The following IL1R1 variants were observed in gnomAD, a reference collection of about 807,000 sequenced individuals.
IL1R1 encodes the protein interleukin-1 receptor type 1.
Under a neutral mutation model 50.2 loss-of-function variants are expected in IL1R1, and 22 were observed. The ratio of observed to expected loss-of-function variants is 0.44; its 90% confidence interval spans 0.31 to 0.63. The LOEUF is 0.63. IL1R1 is among the 20% of genes least tolerant of loss of function. IL1R1 has a pLI of 0.07. For missense variants in IL1R1, 509 were observed against 676.2 expected (o/e 0.75, Z 2.74); for synonymous variants, 251 against 236.7 (o/e 1.06, Z -0.55).
intron 7 of IL1R1, among the ~76,000 whole-genome samples, chr2:102,171,052 A>G (rs1685628194): frequency 1.3e-5 from 2 of 152,218 alleles, no homozygotes; most frequent in Admixed American, 6.5e-5. Flanking sequence ...ACAGAGCGAG[A>G]CTGTGTCTCA....
chr2:102,103,158 A>T (rs1169390733), upstream of IL1R1, among the ~76,000 whole-genome samples: 4 of 147,372 alleles, frequency 2.7e-5, no homozygotes, highest in African/African-American at 7.3e-5. Context: ...AAAATTAAAA[A>T]TAAATAAGTA....
At chr2:102,127,685 G>GTGTGAC (rs1553628426) in intron 1 of IL1R1, among the ~76,000 whole-genome samples, 28 of 151,362 alleles carry the variant, frequency 1.8e-4, no homozygotes, top group African/African-American at 6.1e-4. Context: ...GTGTGTGTGT[G>GTGTGAC]TGTGTGTGTG....
intron 1 of IL1R1, among the ~76,000 whole-genome samples, chr2:102,108,983 A>C (rs1333699071): frequency 7.0e-6 from 1 of 143,674 alleles, no homozygotes; most frequent in Non-Finnish European, 1.5e-5. Flanking sequence ...AATAATAATA[A>C]TAATAAAAGC....
intron 1 of IL1R1, among the ~76,000 whole-genome samples, chr2:102,110,837 C>T (rs911337888): frequency 7.9e-5 from 12 of 151,960 alleles, no homozygotes; most frequent in Admixed American, 5.9e-4. Context: ...TAGGCAGCCG[C>T]GGGAGTTGGC....
chr2:102,118,490 C>T (rs565956613), intron 1 of IL1R1, among the ~76,000 whole-genome samples: 1 of 152,270 alleles, frequency 6.6e-6, no homozygotes, highest in South Asian at 2.1e-4. Flanking sequence ...CCCTGGTTTA[C>T]AGCTGGTCAG....
intron 1 of IL1R1, among the ~76,000 whole-genome samples, chr2:102,151,357 T>C (rs1294091946): frequency 6.6e-6 from 1 of 152,200 alleles, no homozygotes; most frequent in Non-Finnish European, 1.5e-5. Flanking sequence ...ATTCCATCCT[T>C]TCTCTTCTTT....
chr2:102,110,602 C>T (rs972751860), intron 1 of IL1R1, among the ~76,000 whole-genome samples: 3 of 151,134 alleles, frequency 2.0e-5, no homozygotes, highest in Non-Finnish European at 2.9e-5. Context: ...TTTCCTATCT[C>T]GTATCATGAC....
intron 3 of IL1R1, among the ~76,000 whole-genome samples, chr2:102,163,316 T>C (rs1385764377): frequency 6.6e-6 from 1 of 152,226 alleles, no homozygotes; most frequent in Non-Finnish European, 1.5e-5. Flanking sequence ...AAATATGTTT[T>C]CTGTTTTCCA....
In IL1R1 at chr2:102,111,354, C is replaced by G. The variant is rs142455490; in HGVS notation, c.-84+6482C>G. 6.0e-4 allele frequency among the ~76,000 whole-genome samples: 92 copies of G among 152,240 alleles called. 1 individual carries two copies. The highest frequency in any genetic ancestry group is 2.1e-3 in the African/African-American group (87 of 41,542). ...GGGCCGCTGCTGCACATAGGGCTGG[C>G]GACCAGAACACTGTATCTCTTGGCC... On this transcript the variant is annotated intron_variant, in intron 1 of 10. Transcript: ENST00000409329.
chr2:102,168,804 T>G, intron 7 of IL1R1, 141 bp downstream of exon 7: 1 of 606,270 alleles, frequency 1.6e-6, no homozygotes, highest in East Asian at 3.0e-5. Context: ...TGAGACAAAT[T>G]ATATCTTAAT....
intron 1 of IL1R1, among the ~76,000 whole-genome samples, chr2:102,144,454 T>C (rs559641255): frequency 6.6e-6 from 1 of 152,264 alleles, no homozygotes; most frequent in East Asian, 1.9e-4. Flanking sequence ...TGTCATAATG[T>C]GACATCAAGT....
intron 3 of IL1R1, among the ~76,000 whole-genome samples, chr2:102,162,483 C>CT (rs981349625): frequency 2.6e-5 from 4 of 151,356 alleles, no homozygotes; most frequent in Non-Finnish European, 5.9e-5. Flanking sequence ...ATTTTTTTCT[C>CT]TTTTTTTGCT....
chr2:102,091,307 A>G (rs1679657099), intron 1 of IL1R1, among the ~76,000 whole-genome samples: 1 of 152,162 alleles, frequency 6.6e-6, no homozygotes. Context: ...CTATGAGTGT[A>G]TGTACTTGAC....
At chr2:102,162,359 G>T (rs3917267) in intron 3 of IL1R1, among the ~76,000 whole-genome samples, 1 of 151,852 alleles carries the variant, frequency 6.6e-6, no homozygotes, top group Non-Finnish European at 1.5e-5. Flanking sequence ...GATCATTTCC[G>T]CCTTTCAATG....
chr2:102,160,286 G>A lies in IL1R1; in HGVS notation c.61+2501G>A, dbSNP rs534088643. ...TCTCTTTTTTTTCCTGATTAGTCTG[G>A]CTAAAGATTTATCAATTTTATTGAT... On this transcript the variant is annotated intron_variant, in intron 3 of 11. Coordinates refer to ENST00000410023, the MANE Select transcript of IL1R1 (RefSeq NM_000877.4). Among the ~76,000 whole-genome samples the A allele has an allele frequency of 2.6e-5, 4 of 151,820 alleles. No homozygotes were observed. In the South Asian group the frequency reaches 8.3e-4, roughly 32 times the overall value.
In IL1R1 at chr2:102,171,796, T is replaced by G. The variant is rs1247390260; in HGVS notation, c.722-5T>G. 6.5e-7 allele frequency: 1 copy of G among 1,528,408 alleles called. No individual in the cohort carries two copies. 94.7% of individuals were successfully genotyped at this position (1,528,408 alleles called of 1,614,324 possible). On this transcript the variant is annotated splice_region_variant and splice_polypyrimidine_tract_variant and intron_variant, in intron 7 of 11. Coordinates refer to ENST00000410023, the MANE Select transcript of IL1R1 (RefSeq NM_000877.4). ...ATGTTAAGATTAAAAATACATTCTT[T>G]GCAGGATCCCAGATACAATTGATCT...
intron 1 of IL1R1, among the ~76,000 whole-genome samples, chr2:102,095,727 G>A (rs1023609085): frequency 2.3e-4 from 35 of 152,164 alleles, no homozygotes; most frequent in African/African-American, 6.0e-4. Flanking sequence ...TTTTTAGGCC[G>A]GGCACGGTGG....
At chr2:102,153,068 A>G (rs1009579404) in intron 1 of IL1R1, among the ~76,000 whole-genome samples, 4 of 152,220 alleles carry the variant, frequency 2.6e-5, no homozygotes, top group African/African-American at 9.6e-5. Flanking sequence ...TGTAGGACAT[A>G]GCAGTAAGGC....
At chr2:102,098,698 A>C (rs1180941882) in intron 1 of IL1R1, among the ~76,000 whole-genome samples, 3 of 152,218 alleles carry the variant, frequency 2.0e-5, no homozygotes, top group Non-Finnish European at 4.4e-5. Flanking sequence ...CATAGGAAAA[A>C]AAAGAGTAGG....
Sources: gnomAD v4.1 joint callset for allele counts (sites outside exome capture counted in the v4.1 genomes callset) on GRCh38, gnomAD v4.1.1 for gene constraint, MANE v1.5 for transcripts, NCBI Gene and HGNC (gene_info 2026-07-23, HGNC 2026-07-21) for gene names.